The following RIMS1 variants were observed in gnomAD, a reference collection of about 807,000 sequenced individuals.
RIMS1 encodes the protein regulating synaptic membrane exocytosis protein 1.
Under a neutral mutation model 214.1 loss-of-function variants are expected in RIMS1, and 83 were observed. The ratio of observed to expected loss-of-function variants is 0.39; its 90% CI spans 0.32 to 0.47. The LOEUF is 0.47. Among genes scored for constraint, RIMS1 ranks in the 20% least tolerant of loss-of-function variants. The pLI is 0.99. For missense variants in RIMS1, 2,050 were observed against 2,161.8 expected, an observed-to-expected ratio of 0.95 and a Z score of 1.03; for synonymous variants, 793 against 786.8, an observed-to-expected ratio of 1.01 and a Z score of -0.13.
chr6:72,179,631 G>C lies in RIMS1; in HGVS notation c.528G>C (p.Gly176=), dbSNP rs1460836109. 1.2e-5 allele frequency: 20 copies of C among 1,613,840 alleles called. No homozygotes were observed. The highest frequency in any genetic ancestry group is 1.7e-5 in the Non-Finnish European group (20 of 1,179,898). ...AACAAGAAATCTTAACCAAATCTGG[G>C]GCATGGTTCTTTGGAAGTGGCCCTC... The part of the protein sequence containing the change: ...RKQQEILTKS[G]AWFFGSGPQQ... The change falls in exon 5 of 34, where the codon GGG becomes GGC. Residue 176 remains glycine, a synonymous_variant. Coordinates refer to ENST00000521978, the MANE Select transcript of RIMS1 (RefSeq NM_014989.7).
intron 1 of RIMS1, among the ~76,000 whole-genome samples, chr6:71,906,104 G>C (rs533320233): frequency 6.6e-6 from 1 of 152,258 alleles, no homozygotes; most frequent in South Asian, 2.1e-4. Context: ...TGAAGTGACA[G>C]TGAGATTGTC....
At chr6:72,354,823 A>C (rs2154375169) in intron 29 of RIMS1, among the ~76,000 whole-genome samples, 1 of 152,338 alleles carries the variant, frequency 6.6e-6, no homozygotes, top group African/African-American at 2.4e-5. Context: ...ACATAAGTCT[A>C]GGCCAAGAAG....
chr6:72,216,996 C>CA, intron 6 of RIMS1: 1 of 1,401,732 alleles, frequency 7.1e-7, no homozygotes, highest in Non-Finnish European at 9.2e-7. Flanking sequence ...TGTTTAGTGT[C>CA]ACTGTTGTAT....
At chr6:72,385,648 G>T (rs1372666100) in intron 29 of RIMS1, among the ~76,000 whole-genome samples, 2 of 152,176 alleles carry the variant, frequency 1.3e-5, no homozygotes, top group Non-Finnish European at 2.9e-5. Flanking sequence ...ACCTCCATTG[G>T]GGCAGGGATT....
At position 72,251,338 on chromosome 6, in the gene RIMS1, C is replaced by T. The variant is rs868676989; in HGVS notation, c.2668C>T (p.His890Tyr). Residue 890 changes from histidine (H) to tyrosine (Y), a missense_variant, in exon 15 of 34, where the codon CAT (histidine) becomes TAT (tyrosine). Physicochemically the swap from His to Tyr is moderately conservative, Grantham distance 83. Transcript: ENST00000521978. ...ACCTTTCATGCCAAGGCGACATATT[C>T]ATGGAGAAAGCTCTAGCAAAAAGCT... ...PSPFMPRRHIHGESSSKKLQR... is the reference protein window; with the variant it reads ...PSPFMPRRHIYGESSSKKLQR... The T allele has an allele frequency of 2.5e-6, 4 of 1,598,722 alleles. No individual in the cohort carries two copies. In the South Asian group the frequency reaches 3.4e-5, roughly 14 times the overall value.
At chr6:71,999,804 A>G (rs529645899) in intron 2 of RIMS1, among the ~76,000 whole-genome samples, 1 of 152,116 alleles carries the variant, frequency 6.6e-6, no homozygotes, top group African/African-American at 2.4e-5. Context: ...TTAGTGAAGT[A>G]TTTTCATCTT....
intron 2 of RIMS1, among the ~76,000 whole-genome samples, chr6:71,978,163 G>T (rs180944630): frequency 1.2e-4 from 19 of 152,224 alleles, no homozygotes; most frequent in Non-Finnish European, 2.5e-4. Flanking sequence ...TCTCTAATAT[G>T]CTTAAGAGGG....
chr6:72,131,725 G>T (rs759098718), intron 4 of RIMS1, among the ~76,000 whole-genome samples: 15 of 152,090 alleles, frequency 9.9e-5, no homozygotes, highest in Non-Finnish European at 2.1e-4. Flanking sequence ...GAGAGCAACT[G>T]GTCTGACCAA....
intron 2 of RIMS1, among the ~76,000 whole-genome samples, chr6:72,004,640 A>T (rs1450375968): frequency 1.3e-5 from 2 of 151,522 alleles, no homozygotes; most frequent in Non-Finnish European, 3.0e-5. Flanking sequence ...GCATTTTTTC[A>T]TGTGTCTTTT....
chr6:71,899,503 C>CAT (rs940526471), intron 1 of RIMS1, among the ~76,000 whole-genome samples: 39 of 151,232 alleles, frequency 2.6e-4, no homozygotes, highest in East Asian at 1.2e-3. Context: ...CACACACACA[C>CAT]ATATATATAT....
intron 4 of RIMS1, among the ~76,000 whole-genome samples, chr6:72,144,772 CT>C (rs2042514773): frequency 6.6e-6 from 1 of 152,130 alleles, no homozygotes; most frequent in Admixed American, 6.5e-5. Flanking sequence ...CTGGAGATCA[CT>C]GATTGGTTCA....
At chr6:72,258,331 A>ATGCAG (rs1484171525) in intron 17 of RIMS1, 50 bp downstream of exon 17, 5 of 1,492,676 alleles carry the variant, frequency 3.3e-6, no homozygotes, top group Non-Finnish European at 4.6e-6. Context: ...TTTTATTATA[A>ATGCAG]TGCAGTGTAA....
chr6:72,212,703 TA>T (rs34469490), intron 6 of RIMS1: 188,440 of 583,106 alleles, frequency 0.32, 32,385 homozygotes, highest in Non-Finnish European at 0.35. Context: ...GGGCGATAAG[TA>T]AACAGAAGGA....
At chr6:72,390,466 C>G (rs1024104272) in intron 29 of RIMS1, 132 bp from the exon 30 acceptor site, 10 of 1,066,000 alleles carry the variant, frequency 9.4e-6, no homozygotes, top group African/African-American at 3.2e-5. Context: ...AAAGTACTCC[C>G]TTAGGTTACT....
In RIMS1 at chr6:72,222,315, C is replaced by T. The variant is rs1160312364; in HGVS notation, c.1679-11458C>T. Among the ~76,000 whole-genome samples the T allele has an allele frequency of 3.9e-5, 6 of 152,066 alleles. No homozygotes were observed. In the East Asian group the frequency reaches 1.2e-3, roughly 29 times the overall value. On this transcript the variant is annotated intron_variant, in intron 6 of 33. Coordinates refer to ENST00000521978, the MANE Select transcript of RIMS1 (RefSeq NM_014989.7). The stretch of plus-strand genomic sequence containing the variant: ...ACTTGGTTTGCTCTTTCTTAAAAGA[C>T]ATTGATTTAAGAATCTTTAAAAGAC...
intron 2 of RIMS1, among the ~76,000 whole-genome samples, chr6:72,018,715 T>C (rs1813571610): frequency 6.6e-6 from 1 of 152,088 alleles, no homozygotes; most frequent in Non-Finnish European, 1.5e-5. Context: ...CCAGAGAGTG[T>C]AGTAACCTGG....
intron 1 of RIMS1, among the ~76,000 whole-genome samples, chr6:71,961,559 T>G (rs892518690): frequency 1.3e-5 from 2 of 152,100 alleles, no homozygotes; most frequent in Non-Finnish European, 2.9e-5. Flanking sequence ...CTCTTTATTT[T>G]CACATCACCC....
intron 28 of RIMS1, chr6:72,317,055 C>T (rs558335236): frequency 2.2e-6 from 1 of 448,700 alleles, no homozygotes; most frequent in East Asian, 5.0e-5. Flanking sequence ...GCCACAGAGG[C>T]CTCTCAGAGG....
chr6:72,179,148 A>G (rs1013708191), intron 4 of RIMS1, among the ~76,000 whole-genome samples: 2 of 152,202 alleles, frequency 1.3e-5, no homozygotes, highest in Non-Finnish European at 2.9e-5. Context: ...AATACTTGCA[A>G]GTACTGAGGT....
Sources: allele counts gnomAD v4.1 joint callset (sites outside exome capture counted in the v4.1 genomes callset), GRCh38; gene constraint gnomAD v4.1.1; transcripts MANE v1.5; gene names NCBI Gene and HGNC (gene_info 2026-07-23, HGNC 2026-07-21).